Variants in SGCD observed in about 807,000 individuals in gnomAD.
SGCD encodes delta-sarcoglycan.
SGCD carries 18 observed loss-of-function variants against 36.6 expected under a neutral mutation model. The ratio of observed to expected loss-of-function variants is 0.49; its 90% confidence interval spans 0.34 to 0.73. The LOEUF (loss-of-function observed/expected upper bound fraction) is 0.73, where lower values mean the gene tolerates loss of function less well. Ranked by LOEUF, SGCD falls within the 30% of genes least tolerant of loss-of-function variation. The pLI is 0.01. For missense variants in SGCD, 387 were observed against 346.7 expected (o/e 1.12, Z -0.92); for synonymous variants, 133 against 130.6 (o/e 1.02, Z -0.12).
At chr5:156,488,194 T>A (rs1025172434) in intron 3 of SGCD, among the ~76,000 whole-genome samples, 1 of 144,858 alleles carries the variant, frequency 6.9e-6, no homozygotes, top group Non-Finnish European at 1.5e-5. Flanking sequence ...TGGGACACCA[T>A]GAATATTAGA....
chr5:156,590,063 G>A lies in SGCD; in HGVS notation c.382+745G>A, dbSNP rs192526351. Among the ~76,000 whole-genome samples, 52 of 152,294 alleles carry A rather than the reference G, an allele frequency of 3.4e-4. No homozygotes were observed. The East Asian group carries it at 9.9e-3, about 29-fold the overall frequency. On this transcript the variant is annotated intron_variant, in intron 5 of 8. Transcript: ENST00000337851. ...CATTATGCACCCCCACAGTGGAAGG[G>A]AAAAGGAATGTATGTATGAATGGCA...
At chr5:156,381,974 G>A (rs1016946192) in intron 3 of SGCD, among the ~76,000 whole-genome samples, 4 of 152,102 alleles carry the variant, frequency 2.6e-5, no homozygotes, top group Admixed American at 6.5e-5. Context: ...AGTGGTCAAT[G>A]TATGTTTTTA....
intron 2 of SGCD, among the ~76,000 whole-genome samples, chr5:156,330,416 G>A (rs1768015320): frequency 6.6e-6 from 1 of 152,134 alleles, no homozygotes; most frequent in South Asian, 2.1e-4. Context: ...TTCATCTTCA[G>A]ATCTCAGGTT....
rs182560167 is a variant in SGCD at position 156,576,795 on chromosome 5, C to A, written c.295-12436C>A. ...TTTTTTTTTCTTGTAAATGTAAGTTCTTTGTACATTCTGGATATTAGCCTT... is the reference window on the plus strand; with the variant it reads ...TTTTTTTTTCTTGTAAATGTAAGTTATTTGTACATTCTGGATATTAGCCTT... On this transcript the variant is annotated intron_variant, in intron 4 of 8. Transcript: ENST00000337851. Among the ~76,000 whole-genome samples the A allele has an allele frequency of 2.7e-3, 405 of 151,876 alleles. 3 individuals are homozygous for A. The highest frequency in any genetic ancestry group is 9.4e-3 in the African/African-American group (389 of 41,432).
At chr5:156,289,683 A>G (rs2127677260) in intron 3 of SGCD, among the ~76,000 whole-genome samples, 1 of 151,944 alleles carries the variant, frequency 6.6e-6, no homozygotes, top group East Asian at 1.9e-4. Flanking sequence ...ATTTTCTAAT[A>G]TTATTTTTAA....
chr5:155,935,526 G>A (rs1757176995), intron 1 of SGCD, among the ~76,000 whole-genome samples: 1 of 152,170 alleles, frequency 6.6e-6, no homozygotes, highest in Non-Finnish European at 1.5e-5. Context: ...GAAAGTGAAG[G>A]GGACAGACTC....
chr5:156,365,020 A>G (rs558623871), intron 3 of SGCD, among the ~76,000 whole-genome samples: 131 of 152,334 alleles, frequency 8.6e-4, no homozygotes, highest in Non-Finnish European at 1.6e-3. Context: ...GTACACTTCT[A>G]CAATGGAGAG....
chr5:156,740,365 A>T (rs893579987), intron 7 of SGCD, among the ~76,000 whole-genome samples: 1 of 152,254 alleles, frequency 6.6e-6, no homozygotes, highest in Non-Finnish European at 1.5e-5. Context: ...TGAAGATTCA[A>T]CGAGTGCTAA....
At chr5:156,072,408 A>T (rs967472653) in intron 1 of SGCD, among the ~76,000 whole-genome samples, 1 of 152,078 alleles carries the variant, frequency 6.6e-6, no homozygotes, top group African/African-American at 2.4e-5. Context: ...TTGGCTGGAT[A>T]TGAAATTCTG....
At chr5:156,212,880 A>G (rs1764480750) in intron 3 of SGCD, among the ~76,000 whole-genome samples, 1 of 152,226 alleles carries the variant, frequency 6.6e-6, no homozygotes, top group African/African-American at 2.4e-5. Flanking sequence ...TGGAAATTAA[A>G]CAACATATTT....
intron 6 of SGCD, 39 bp from the exon 7 acceptor site, chr5:156,647,425 T>G (rs1183006774): frequency 1.4e-6 from 2 of 1,451,226 alleles, no homozygotes; most frequent in African/African-American, 2.8e-5. Context: ...GTGACTCCAG[T>G]ATCTCCAATC....
chr5:156,504,712 CATA>C (rs1756620324), intron 3 of SGCD, among the ~76,000 whole-genome samples: 1 of 151,960 alleles, frequency 6.6e-6, no homozygotes, highest in Non-Finnish European at 1.5e-5. Context: ...CAAGAAGTAA[CATA>C]ATAATTTTCA....
chr5:156,060,254 C>G (rs1760169499), intron 1 of SGCD, among the ~76,000 whole-genome samples: 1 of 146,006 alleles, frequency 6.8e-6, no homozygotes, highest in African/African-American at 2.5e-5. Context: ...ACTGAGAGAG[C>G]CTTGAATGCC....
intron 2 of SGCD, among the ~76,000 whole-genome samples, chr5:156,331,128 A>G (rs539997086): frequency 2.6e-5 from 4 of 152,234 alleles, no homozygotes; most frequent in African/African-American, 4.8e-5. Flanking sequence ...GAGTTCAAAC[A>G]ATCAGCAAAG....
chr5:156,210,782 G>T (rs1764419180), intron 3 of SGCD, among the ~76,000 whole-genome samples: 1 of 151,988 alleles, frequency 6.6e-6, no homozygotes, highest in South Asian at 2.1e-4. Flanking sequence ...TGAAAATAAT[G>T]AAAGGGACTG....
chr5:155,743,787 C>A, the SGCD span, among the ~76,000 whole-genome samples: 7 of 152,226 alleles, frequency 4.6e-5, no homozygotes, highest in South Asian at 1.2e-3. Context: ...GAGCAAGGAG[C>A]AGATGAGGAA....
rs79333621 is a variant in SGCD at position 156,189,702 on chromosome 5, C to T, written c.-44+65683C>T. Reference sequence around the variant, plus strand: ...GAAAATAAATGAGGCCAAAAAAAGACGTAAAGCATTGAACTTTCAAAGTCT... The same window carrying T: ...GAAAATAAATGAGGCCAAAAAAAGATGTAAAGCATTGAACTTTCAAAGTCT... On this transcript the variant is annotated intron_variant, in intron 3 of 9. Coordinates refer to the SGCD transcript ENST00000517913. Among the ~76,000 whole-genome samples, 480 of 152,172 alleles carry T rather than the reference C, an allele frequency of 3.2e-3. 1 individual carries two copies. Among genetic ancestry groups the T allele is most frequent in the African/African-American group, 6.6e-3 (273 of 41,484 alleles).
intron 6 of SGCD, among the ~76,000 whole-genome samples, chr5:156,596,871 C>T (rs918133006): frequency 6.6e-6 from 1 of 152,114 alleles, no homozygotes; most frequent in Admixed American, 6.6e-5. Context: ...TCACCTCACC[C>T]CCGACTCTCC....
intron 1 of SGCD, among the ~76,000 whole-genome samples, chr5:155,875,793 A>G (rs964630353): frequency 6.6e-6 from 1 of 151,966 alleles, no homozygotes; most frequent in Non-Finnish European, 1.5e-5. Flanking sequence ...CCTGATACCC[A>G]CTGCTGTGAG....
Sources: gnomAD v4.1 joint callset for allele counts (sites outside exome capture counted in the v4.1 genomes callset) on GRCh38, gnomAD v4.1.1 for gene constraint, MANE v1.5 for transcripts, NCBI Gene and HGNC (gene_info 2026-07-23, HGNC 2026-07-21) for gene names.